The following CSMD1 variants were observed in gnomAD, a reference collection of about 807,000 sequenced individuals.
CSMD1 encodes the protein CUB and sushi domain-containing protein 1.
A neutral mutation model predicts 417.5 loss-of-function variants in CSMD1; 213 were observed. That is an observed-to-expected ratio of 0.51 (90% CI 0.46 to 0.57). The LOEUF (loss-of-function observed/expected upper bound fraction) is 0.57, where lower values mean the gene tolerates loss of function less well. Ranked by LOEUF, CSMD1 falls within the 20% of genes least tolerant of loss-of-function variation. The probability of loss-of-function intolerance (pLI) is 0.00; values close to 1 mark genes in which losing one functional copy is unlikely to be tolerated. For synonymous variants in CSMD1, 2,862 were observed against 1,736.8 expected (o/e 1.65, Z -16.11); for missense variants, 6,923 against 4,529.7 (o/e 1.53, Z -15.17).
chr8:4,011,099 A>C, intron 4 of CSMD1, among the ~76,000 whole-genome samples: 1 of 152,208 alleles, frequency 6.6e-6, no homozygotes, highest in East Asian at 1.9e-4. Flanking sequence ...CACAAAGAAA[A>C]TAGAAGCAAT....
chr8:4,918,986 G>C (rs974627896), intron 1 of CSMD1, among the ~76,000 whole-genome samples: 6 of 151,974 alleles, frequency 3.9e-5, no homozygotes, highest in African/African-American at 1.5e-4. Flanking sequence ...GAGTTGTTTG[G>C]GCACCTAAAA....
At position 3,754,014 on chromosome 8, in the gene CSMD1, C is replaced by G. The variant is rs199930890; in HGVS notation, c.847G>C (p.Val283Leu). The G allele has an allele frequency of 1.2e-6, 2 of 1,612,630 alleles. No homozygotes were observed. Among genetic ancestry groups the G allele is most frequent in the South Asian group, 2.2e-5 (2 of 91,026 alleles). ...WLTGMNLPSP[V>L]ISSKNWLRLH... ...CGTAGCCAATTCTTGCTACTGATAA[C>G]TGGAGAGGGGAGGTTCATGCCAGTT... Residue 283 changes from valine to leucine, a missense_variant, in exon 6 of 70, where the codon GTT becomes CTT. Val to Leu is a conservative substitution (Grantham distance 32). Transcript: ENST00000635120.
chr8:3,611,386 G>C (rs528081229), intron 8 of CSMD1, among the ~76,000 whole-genome samples: 7 of 152,236 alleles, frequency 4.6e-5, no homozygotes, highest in Admixed American at 2.0e-4. Context: ...CTATGTAATT[G>C]TTTGAGTTTT....
intron 26 of CSMD1, among the ~76,000 whole-genome samples, chr8:3,282,047 C>T (rs185082283): frequency 6.6e-6 from 1 of 152,294 alleles, no homozygotes; most frequent in East Asian, 1.9e-4. Context: ...CTGAGGCCCT[C>T]CCAGCCATGC....
chr8:4,935,426 A>T (rs1303376182), intron 1 of CSMD1, among the ~76,000 whole-genome samples: 1 of 152,222 alleles, frequency 6.6e-6, no homozygotes, highest in Non-Finnish European at 1.5e-5. Context: ...TTACCGGTTC[A>T]TTTCTAATGC....
intron 25 of CSMD1, among the ~76,000 whole-genome samples, chr8:3,301,220 G>A (rs928388735): frequency 6.6e-6 from 1 of 151,984 alleles, no homozygotes; most frequent in Admixed American, 6.6e-5. Context: ...ATTGTTTGGG[G>A]TAGGAGCAGT....
At chr8:4,526,718 A>G (rs181078805) in intron 2 of CSMD1, among the ~76,000 whole-genome samples, 26 of 152,352 alleles carry the variant, frequency 1.7e-4, no homozygotes, top group African/African-American at 6.3e-4. Context: ...ATCATTGCTT[A>G]AATTTGCTTT....
chr8:4,988,232 G>C (rs979947324), intron 1 of CSMD1, among the ~76,000 whole-genome samples: 1 of 152,072 alleles, frequency 6.6e-6, no homozygotes, highest in Non-Finnish European at 1.5e-5. Context: ...CAAAGGATGA[G>C]GCAAACTTAC....
chr8:3,948,530 T>C (rs1002391006), intron 5 of CSMD1, among the ~76,000 whole-genome samples: 22 of 152,100 alleles, frequency 1.4e-4, no homozygotes, highest in Non-Finnish European at 1.3e-4. Context: ...CTTTATTTTA[T>C]ATATATTATA....
chr8:3,229,928 A>C (rs899802724), intron 27 of CSMD1, 112 bp downstream of exon 27: 2 of 787,282 alleles, frequency 2.5e-6, no homozygotes, highest in Non-Finnish European at 3.9e-6. Context: ...AGAGAACATG[A>C]AAGAAACTCT....
intron 3 of CSMD1, among the ~76,000 whole-genome samples, chr8:4,109,128 A>G (rs992552522): frequency 6.6e-6 from 1 of 152,196 alleles, no homozygotes; most frequent in Non-Finnish European, 1.5e-5. Flanking sequence ...ATTATTTATA[A>G]TACCTAATAC....
intron 25 of CSMD1, among the ~76,000 whole-genome samples, chr8:3,304,558 C>T (rs1252291252): frequency 2.0e-5 from 3 of 151,880 alleles, no homozygotes; most frequent in African/African-American, 4.8e-5. Flanking sequence ...GGATGGCTAC[C>T]CTCTTAAGCT....
At chr8:2,976,149 T>A (rs533585796) in intron 55 of CSMD1, among the ~76,000 whole-genome samples, 24 of 152,244 alleles carry the variant, frequency 1.6e-4, no homozygotes, top group African/African-American at 5.8e-4. Context: ...CAGGAATTAA[T>A]TGAATTGTTG....
At chr8:3,305,028 A>T (rs1804718314) in intron 25 of CSMD1, among the ~76,000 whole-genome samples, 1 of 152,134 alleles carries the variant, frequency 6.6e-6, no homozygotes, top group Admixed American at 6.5e-5. Flanking sequence ...TTCAAAGTTA[A>T]GGACTAATAT....
At chr8:4,925,538 T>TG (rs941812808) in intron 1 of CSMD1, among the ~76,000 whole-genome samples, 7 of 796 alleles carry the variant, frequency 8.8e-3, no homozygotes, top group African/African-American at 1.0e-2. Flanking sequence ...TGGCATTTTC[T>TG]TTTTTTTTTC....
chr8:3,701,483 G>A (rs977919112), intron 7 of CSMD1, among the ~76,000 whole-genome samples: 2 of 148,814 alleles, frequency 1.3e-5, no homozygotes, highest in African/African-American at 2.5e-5. Context: ...GAGGGCAAAA[G>A]ACTCTTCAGG....
chr8:4,033,868 T>C (rs191658717), intron 3 of CSMD1, among the ~76,000 whole-genome samples: 1 of 152,332 alleles, frequency 6.6e-6, no homozygotes, highest in Non-Finnish European at 1.5e-5. Flanking sequence ...CGGTACATCA[T>C]TCAGTTGAAT....
chr8:3,854,516 GCTTAA>G (rs1804154573), intron 5 of CSMD1, among the ~76,000 whole-genome samples: 1 of 152,056 alleles, frequency 6.6e-6, no homozygotes, highest in Admixed American at 6.6e-5. Flanking sequence ...AGGCATAGTG[GCTTAA>G]CTGCACGGGT....
rs1815357172 is a variant in CSMD1 at position 3,998,045 on chromosome 8, A to T, written c.676T>A (p.Ser226Thr). Residue 226 changes from serine (S) to threonine (T), a missense_variant, in exon 5 of 70, where the codon TCA (serine) becomes ACA (threonine). Coordinates refer to ENST00000635120, the MANE Select transcript of CSMD1 (RefSeq NM_033225.6). ...SSSISSPHFP[S>T]EYENNADCTW... The stretch of plus-strand genomic sequence containing the variant: ...CAGTCCGCGTTGTTCTCGTACTCTG[A>T]AGGGAAGTGCGGGCTGGAGATGGAG... 1 of 1,601,292 alleles carries T rather than the reference A, an allele frequency of 6.2e-7. No homozygotes were observed. Among genetic ancestry groups the T allele is most frequent in the Non-Finnish European group, 8.5e-7 (1 of 1,173,474 alleles).
Sources: gnomAD v4.1 joint callset for allele counts (sites outside exome capture counted in the v4.1 genomes callset) on GRCh38, gnomAD v4.1.1 for gene constraint, MANE v1.5 for transcripts, NCBI Gene and HGNC (gene_info 2026-07-23, HGNC 2026-07-21) for gene names.